The following SIL1 variants were observed in gnomAD, a reference collection of about 807,000 sequenced individuals.
The protein encoded by SIL1 is SIL1 nucleotide exchange factor.
In SIL1, 40 loss-of-function variants were observed where a neutral mutation model predicts 49.1. That is an observed-to-expected ratio of 0.81 (90% CI 0.63 to 1.06). SIL1 has a LOEUF of 1.06. Among genes scored for constraint, SIL1 ranks in the 50% least tolerant of loss-of-function variants. The pLI is 0.00. For missense variants in SIL1, 500 were observed against 572.6 expected (o/e 0.87, Z 1.29); for synonymous variants, 253 against 250.8 (o/e 1.01, Z -0.08).
intron 2 of SIL1, among the ~76,000 whole-genome samples, chr5:139,121,560 T>C (rs566897670): frequency 6.6e-6 from 1 of 152,296 alleles, no homozygotes; most frequent in African/African-American, 2.4e-5. Flanking sequence ...CATATTATTT[T>C]TACAATAAAA....
At chr5:139,166,473 G>A (rs1751626589) in intron 1 of SIL1, among the ~76,000 whole-genome samples, 1 of 152,168 alleles carries the variant, frequency 6.6e-6, no homozygotes, top group Non-Finnish European at 1.5e-5. Flanking sequence ...ATCAGCCTGA[G>A]CAATATAGCA....
At chr5:139,057,941 C>T (rs1769492118) in intron 3 of SIL1, among the ~76,000 whole-genome samples, 1 of 152,122 alleles carries the variant, frequency 6.6e-6, no homozygotes, top group East Asian at 1.9e-4. Context: ...ATTCATGAGG[C>T]GTGGAACTCT....
chr5:139,030,706 G>A (rs750315905), intron 5 of SIL1, among the ~76,000 whole-genome samples: 13 of 151,626 alleles, frequency 8.6e-5, no homozygotes, highest in South Asian at 4.2e-4. Context: ...GACCATTTCC[G>A]GGCTATGTTG....
At chr5:139,132,523 G>A (rs1280155198) in intron 1 of SIL1, among the ~76,000 whole-genome samples, 4 of 152,144 alleles carry the variant, frequency 2.6e-5, no homozygotes, top group Non-Finnish European at 4.4e-5. Context: ...ATGAGAGAGA[G>A]AAAGAGAGGA....
intron 3 of SIL1, among the ~76,000 whole-genome samples, chr5:139,112,254 GC>G (rs1300377712): frequency 1.3e-5 from 2 of 152,218 alleles, no homozygotes; most frequent in Admixed American, 6.5e-5. Flanking sequence ...TGCAGCCTCT[GC>G]CCGGCCGCCA....
intron 3 of SIL1, among the ~76,000 whole-genome samples, chr5:139,099,086 G>A (rs920396268): frequency 3.3e-5 from 5 of 151,774 alleles, no homozygotes; most frequent in Admixed American, 2.6e-4. Flanking sequence ...CAAAGTGCTG[G>A]GATTACAGGT....
chr5:138,946,993 C>T lies in SIL1; in HGVS notation c.*124G>A. 1.3e-6 allele frequency: 1 copy of T among 770,854 alleles called. No homozygotes were observed. The highest frequency in any genetic ancestry group is 2.3e-6 in the Non-Finnish European group (1 of 438,452). The allele number at this position is 770,854 out of a possible 1,614,324, so 47.8% of individuals were successfully genotyped here. On this transcript the variant is annotated 3_prime_UTR_variant, in exon 10 of 10. Coordinates refer to ENST00000394817, the MANE Select transcript of SIL1 (RefSeq NM_022464.5). ...AGACACACAGCAGAAAGAGGATGGC[C>T]TTCAGGTTTCCATTTAATGGCCAAG...
intron 6 of SIL1, among the ~76,000 whole-genome samples, chr5:139,023,001 C>T (rs1462826833): frequency 6.6e-6 from 1 of 152,226 alleles, no homozygotes; most frequent in Non-Finnish European, 1.5e-5. Context: ...GAGTTCCTAG[C>T]AGAGCAGCTG....
At chr5:139,110,209 C>T (rs2151787318) in intron 3 of SIL1, among the ~76,000 whole-genome samples, 1 of 150,480 alleles carries the variant, frequency 6.6e-6, no homozygotes, top group African/African-American at 2.4e-5. Flanking sequence ...CTTGACCAAA[C>T]TGGGAGATGA....
At chr5:139,104,496 C>A (rs1031507720) in intron 3 of SIL1, among the ~76,000 whole-genome samples, 2 of 152,190 alleles carry the variant, frequency 1.3e-5, no homozygotes, top group Non-Finnish European at 2.9e-5. Context: ...CCAAAGTCTT[C>A]ACAGACAAGG....
chr5:139,068,503 T>G (rs774676474), intron 3 of SIL1, among the ~76,000 whole-genome samples: 1 of 152,048 alleles, frequency 6.6e-6, no homozygotes, highest in East Asian at 1.9e-4. Context: ...TGAGTAGACT[T>G]GGACGACAGA....
At chr5:139,100,389 A>G (rs1581099755) in intron 3 of SIL1, among the ~76,000 whole-genome samples, 1 of 152,228 alleles carries the variant, frequency 6.6e-6, no homozygotes, top group East Asian at 1.9e-4. Context: ...GAGAGGAAAT[A>G]TAAGGGAGAG....
At chr5:139,172,138 T>A (rs1393092840) in intron 1 of SIL1, among the ~76,000 whole-genome samples, 3 of 152,084 alleles carry the variant, frequency 2.0e-5, no homozygotes, top group Admixed American at 6.5e-5. Context: ...CAGACCAACA[T>A]ACACATTGTG....
chr5:139,049,561 G>A, intron 4 of SIL1, among the ~76,000 whole-genome samples: 1 of 152,166 alleles, frequency 6.6e-6, no homozygotes, highest in Non-Finnish European at 1.5e-5. Flanking sequence ...GGCCAGGGCA[G>A]GAAGATCACT....
chr5:139,043,981 C>T (rs1769099947), intron 4 of SIL1, among the ~76,000 whole-genome samples: 1 of 152,162 alleles, frequency 6.6e-6, no homozygotes. Flanking sequence ...ACATCAGTCT[C>T]ATAGTCTGAG....
intron 5 of SIL1, among the ~76,000 whole-genome samples, chr5:139,028,221 C>T (rs939702760): frequency 1.3e-5 from 2 of 151,984 alleles, no homozygotes; most frequent in South Asian, 2.1e-4. Flanking sequence ...AGGTTTTGGC[C>T]GGGCACAGTG....
chr5:139,011,015 T>TG (rs1439089889), intron 7 of SIL1, among the ~76,000 whole-genome samples: 1 of 149,296 alleles, frequency 6.7e-6, no homozygotes, highest in Non-Finnish European at 1.5e-5. Flanking sequence ...CCGGCTGCTT[T>TG]GTTTACCTAA....
At chr5:139,024,879 ACTT>A (rs1240406709) in intron 6 of SIL1, among the ~76,000 whole-genome samples, 2 of 152,244 alleles carry the variant, frequency 1.3e-5, no homozygotes, top group Non-Finnish European at 2.9e-5. Flanking sequence ...AGCTGTATGT[ACTT>A]CTTCTCTGCC....
intron 1 of SIL1, among the ~76,000 whole-genome samples, chr5:139,149,541 G>A (rs1348183319): frequency 2.0e-5 from 3 of 152,152 alleles, no homozygotes; most frequent in Admixed American, 2.0e-4. Context: ...CACTCTTAAG[G>A]AGAACAGATA....
Sources: allele counts gnomAD v4.1 joint callset (sites outside exome capture counted in the v4.1 genomes callset), GRCh38; gene constraint gnomAD v4.1.1; transcripts MANE v1.5; gene names NCBI Gene and HGNC (gene_info 2026-07-23, HGNC 2026-07-21).